AK9: variants seen among roughly 807,000 people sequenced by gnomAD.
AK9 encodes adenylate kinase domain containing 1.
AK9 carries 191 observed loss-of-function variants against 239.6 expected under a neutral mutation model. That is an observed-to-expected ratio of 0.80 (90% CI 0.71 to 0.90). The LOEUF is 0.90. Among genes scored for constraint, AK9 ranks in the 40% least tolerant of loss-of-function variants. The probability of loss-of-function intolerance (pLI) is 0.00; values close to 1 mark genes in which losing one functional copy is unlikely to be tolerated. For missense variants in AK9, 1,995 were observed against 2,214.7 expected, an observed-to-expected ratio of 0.90 and a Z score of 1.99; for synonymous variants, 689 against 721.0, an observed-to-expected ratio of 0.96 and a Z score of 0.71.
intron 8 of AK9, among the ~76,000 whole-genome samples, chr6:109,649,322 T>C (rs1208040312): frequency 6.6e-6 from 1 of 151,902 alleles, no homozygotes; most frequent in African/African-American, 2.4e-5. Flanking sequence ...GCAGATGACA[T>C]GATTGCATAT....
chr6:109,579,581 C>T lies in AK9; in HGVS notation c.2160G>A (p.Arg720=). The change falls in exon 20 of 41, where the codon AGG becomes AGA. Residue 720 remains arginine (R), a synonymous_variant. Coordinates refer to ENST00000424296, the MANE Select transcript of AK9 (RefSeq NM_001145128.3). ...CCTTCACTTTCATAAGTTCCAGTAG[C>T]CTTCGATTTTCTTCTTCGAGTCTCA... The part of the protein sequence containing the change: ...EELRLEEENR[R]LLELMKVKAK... 6.4e-7 allele frequency: 1 copy of T among 1,551,362 alleles called. No homozygotes were observed. Among genetic ancestry groups the T allele is most frequent in the African/African-American group, 1.4e-5 (1 of 73,080 alleles).
In AK9 at chr6:109,614,404, G is replaced by T. The variant is rs1022019849; in HGVS notation, c.1476C>A (p.His492Gln). 1.3e-6 allele frequency: 2 copies of T among 1,550,986 alleles called. No individual in the cohort carries two copies. The highest frequency in any genetic ancestry group is 2.7e-5 in the African/African-American group (2 of 72,988). Residue 492 changes from histidine (H) to glutamine (Q), a missense_variant, in exon 14 of 41, where the codon CAC (histidine) becomes CAA (glutamine). His to Gln is a conservative substitution (Grantham distance 24). Around this residue, in one of 5 missense-constraint regions of AK9, gnomAD observed 1,290 missense variants for 1,392.7 expected, o/e 0.93. Transcript: ENST00000424296. ...CTTTACCTTCTTCATCAATTGATGA[G>T]TGTGTTGCCTCCATTGGGAATACTC... ...EFGVFPMEAT[H>Q]SSIDEEGYIQ...
At chr6:109,554,525 CTTTTTTT>C (rs3060760) in intron 24 of AK9, among the ~76,000 whole-genome samples, 4 of 77,464 alleles carry the variant, frequency 5.2e-5, no homozygotes, top group Non-Finnish European at 7.6e-5. Context: ...TATTTCTTTT[CTTTTTTT>C]TTTTTTTTTT....
At chr6:109,571,471 CAGTT>C (rs1209525168) in intron 21 of AK9, among the ~76,000 whole-genome samples, 1 of 152,146 alleles carries the variant, frequency 6.6e-6, no homozygotes, top group Non-Finnish European at 1.5e-5. Context: ...AATTGGATCA[CAGTT>C]AGATAAAAAC....
chr6:109,526,130 T>C (rs763581719), intron 29 of AK9, among the ~76,000 whole-genome samples: 1 of 152,024 alleles, frequency 6.6e-6, no homozygotes, highest in Non-Finnish European at 1.5e-5. Context: ...TGGGGCCTAC[T>C]TGAGGGTAGA....
intron 40 of AK9, 84 bp downstream of exon 40, chr6:109,493,897 C>T: frequency 9.7e-7 from 1 of 1,033,606 alleles, no homozygotes; most frequent in South Asian, 1.6e-5. Flanking sequence ...AAGCAGGCAA[C>T]ACAGTTTAAC....
chr6:109,494,156 C>T, intron 39 of AK9, 61 bp from the exon 40 acceptor site: 2 of 1,166,088 alleles, frequency 1.7e-6, no homozygotes, highest in South Asian at 1.4e-5. Context: ...TTTCTTAGTG[C>T]CAATAGATAA....
intron 20 of AK9, among the ~76,000 whole-genome samples, chr6:109,578,502 A>T (rs1331557995): frequency 1.3e-5 from 2 of 151,592 alleles, no homozygotes; most frequent in East Asian, 3.9e-4. Context: ...TTATTTATTT[A>T]TTTTTTTGTT....
chr6:109,503,174 A>G (rs932041458), intron 35 of AK9, among the ~76,000 whole-genome samples: 1 of 151,948 alleles, frequency 6.6e-6, no homozygotes, highest in Non-Finnish European at 1.5e-5. Flanking sequence ...ACTATAGTAC[A>G]ATAATATATA....
At chr6:109,594,675 G>A (rs1790768549) in intron 17 of AK9, among the ~76,000 whole-genome samples, 1 of 152,098 alleles carries the variant, frequency 6.6e-6, no homozygotes. Flanking sequence ...ATAGACCAAT[G>A]GAAGAAAACA....
intron 17 of AK9, among the ~76,000 whole-genome samples, chr6:109,607,561 T>C (rs934095049): frequency 6.6e-6 from 1 of 152,202 alleles, no homozygotes; most frequent in Non-Finnish European, 1.5e-5. Context: ...CATGCCATTT[T>C]ATACAAGGAA....
At chr6:109,628,587 T>C (rs1188916992) in intron 12 of AK9, among the ~76,000 whole-genome samples, 1 of 152,206 alleles carries the variant, frequency 6.6e-6, no homozygotes, top group African/African-American at 2.4e-5. Flanking sequence ...CCATGTACAG[T>C]TCCATCAACA....
intron 35 of AK9, among the ~76,000 whole-genome samples, chr6:109,499,663 A>G (rs1224439635): frequency 2.6e-5 from 4 of 151,788 alleles, no homozygotes; most frequent in Non-Finnish European, 5.9e-5. Flanking sequence ...GCAGTGGCGT[A>G]GCTCGATCTC....
At chr6:109,519,131 AG>A (rs1779567776) in intron 29 of AK9, among the ~76,000 whole-genome samples, 2 of 152,290 alleles carry the variant, frequency 1.3e-5, no homozygotes, top group African/African-American at 4.8e-5. Context: ...ATTGCTGCAA[AG>A]GATATGACTT....
At chr6:109,537,713 A>T (rs1582898196) in intron 27 of AK9, among the ~76,000 whole-genome samples, 1 of 151,752 alleles carries the variant, frequency 6.6e-6, no homozygotes, top group African/African-American at 2.4e-5. Context: ...TCAATTTTAG[A>T]TCTTGCCTGC....
intron 23 of AK9, 24 bp from the exon 24 acceptor site, chr6:109,563,736 G>C (rs745930764): frequency 6.5e-7 from 1 of 1,535,688 alleles, no homozygotes; most frequent in Non-Finnish European, 8.8e-7. Context: ...GAATCATTGG[G>C]GAAAATATTT....
At chr6:109,604,500 GAT>G (rs935996942) in intron 17 of AK9, among the ~76,000 whole-genome samples, 1 of 152,134 alleles carries the variant, frequency 6.6e-6, no homozygotes, top group African/African-American at 2.4e-5. Context: ...TTTGGATTGT[GAT>G]GTAACCTTTG....
intron 1 of AK9, among the ~76,000 whole-genome samples, chr6:109,682,426 C>CAAAAAAAAAAAAAA (rs57215335): frequency 6.3e-4 from 43 of 68,494 alleles, no homozygotes; most frequent in Admixed American, 1.1e-3. Context: ...GACTCCGTCT[C>CAAAAAAAAAAAAAA]AAAAAAAAAA....
At chr6:109,639,428 C>T (rs1181415518) in intron 10 of AK9, among the ~76,000 whole-genome samples, 1 of 152,206 alleles carries the variant, frequency 6.6e-6, no homozygotes, top group African/African-American at 2.4e-5. Context: ...TTTCATATGT[C>T]CGTTGGCTGC....
Sources: gnomAD v4.1 joint callset for allele counts (sites outside exome capture counted in the v4.1 genomes callset) on GRCh38, gnomAD v4.1.1 for gene constraint, gnomAD v4.1.1 regional missense constraint, MANE v1.5 for transcripts, NCBI Gene and HGNC (gene_info 2026-07-23, HGNC 2026-07-21) for gene names.